The following FAM135B variants were observed in gnomAD, a reference collection of about 807,000 sequenced individuals.
FAM135B encodes family with sequence similarity 135 member B.
In FAM135B, 43 loss-of-function variants were observed where a neutral mutation model predicts 127.7. The ratio of observed to expected loss-of-function variants is 0.34; its 90% CI spans 0.26 to 0.43. FAM135B has a LOEUF of 0.43. Ranked by LOEUF, FAM135B falls within the 20% of genes least tolerant of loss-of-function variation. FAM135B has a pLI of 1.00. For missense variants in FAM135B, 1,558 were observed against 1,725.6 expected, an observed-to-expected ratio of 0.90 and a Z score of 1.72; for synonymous variants, 670 against 665.1, an observed-to-expected ratio of 1.01 and a Z score of -0.11.
chr8:138,463,070 A>C (rs577877587), intron 1 of FAM135B, among the ~76,000 whole-genome samples: 20 of 152,362 alleles, frequency 1.3e-4, no homozygotes, highest in African/African-American at 4.6e-4. Context: ...GTCCACCAGC[A>C]CATCTGTGTT....
intron 1 of FAM135B, among the ~76,000 whole-genome samples, chr8:138,464,102 T>A (rs1450067566): frequency 6.6e-6 from 1 of 152,178 alleles, no homozygotes; most frequent in African/African-American, 2.4e-5. Context: ...GTCAGAGCCA[T>A]GCATCAGGCA....
intron 3 of FAM135B, among the ~76,000 whole-genome samples, chr8:138,299,059 CAAAA>C (rs1297189468): frequency 3.9e-5 from 4 of 103,162 alleles, no homozygotes; most frequent in South Asian, 3.0e-4. Context: ...GATTCAGTCT[CAAAA>C]TAAATAAATA....
At chr8:138,300,408 C>T (rs1001619824) in intron 3 of FAM135B, among the ~76,000 whole-genome samples, 2 of 152,154 alleles carry the variant, frequency 1.3e-5, no homozygotes, top group African/African-American at 4.8e-5. Context: ...GCTTCCCTAG[C>T]TCAGAAATAA....
At chr8:138,192,421 C>T (rs1053963229) in intron 9 of FAM135B, among the ~76,000 whole-genome samples, 5 of 152,200 alleles carry the variant, frequency 3.3e-5, no homozygotes, top group African/African-American at 1.2e-4. Flanking sequence ...TCAAATTAGC[C>T]AAAATCTTCG....
chr8:138,425,964 CATATAT>C lies in FAM135B; in HGVS notation c.-19-57968_-19-57963del, dbSNP rs11271386. Reference sequence around the variant, plus strand: ...AGGAGTTCGAGACCAGCCAGGCCAACATATATATATATATATATATATATATATATA... The same window carrying C: ...AGGAGTTCGAGACCAGCCAGGCCAACATATATATATATATATATATATATA... On this transcript the variant is annotated intron_variant, in intron 1 of 19. Coordinates refer to ENST00000395297, the MANE Select transcript of FAM135B (RefSeq NM_015912.4). Among the ~76,000 whole-genome samples the C allele has an allele frequency of 3.3e-3, 358 of 109,930 alleles. 5 individuals are homozygous for C. The highest frequency in any genetic ancestry group is 0.012 in the East Asian group (22 of 1,860). 72.1% of individuals were successfully genotyped at this position (109,930 alleles called of 152,430 possible).
chr8:138,217,646 T>G (rs1010832168), intron 7 of FAM135B, among the ~76,000 whole-genome samples: 3 of 152,110 alleles, frequency 2.0e-5, no homozygotes, highest in Non-Finnish European at 4.4e-5. Context: ...TTAGCCAGGA[T>G]GGTCTCAATC....
chr8:138,439,344 A>ACATATGT (rs1176334641), intron 1 of FAM135B: 13 of 152,152 alleles, frequency 8.5e-5, no homozygotes, highest in African/African-American at 3.1e-4. Context: ...GCAGCTAATC[A>ACATATGT]CATATGTCAT....
At chr8:138,170,691 C>A (rs535475181) in intron 11 of FAM135B, among the ~76,000 whole-genome samples, 24 of 152,228 alleles carry the variant, frequency 1.6e-4, no homozygotes, top group Admixed American at 1.4e-3. Context: ...ATGGATTATT[C>A]TCAATTCTTC....
At chr8:138,164,097 T>A (rs1307362680) in intron 12 of FAM135B, among the ~76,000 whole-genome samples, 1 of 152,176 alleles carries the variant, frequency 6.6e-6, no homozygotes, top group Non-Finnish European at 1.5e-5. Flanking sequence ...TGGCAAGGCG[T>A]AAGTATTAAG....
At chr8:138,426,054 T>TAG in intron 1 of FAM135B, among the ~76,000 whole-genome samples, 1 of 74,974 alleles carries the variant, frequency 1.3e-5, no homozygotes, top group African/African-American at 8.2e-5. Flanking sequence ...CACACACATA[T>TAG]ATATATACAC....
At chr8:138,470,602 C>A (rs1255637748) in intron 1 of FAM135B, among the ~76,000 whole-genome samples, 4 of 152,106 alleles carry the variant, frequency 2.6e-5, no homozygotes, top group African/African-American at 9.7e-5. Context: ...AGTTTCCTTG[C>A]GGGAATCTTT....
At chr8:138,251,517 G>T (rs575225547) in intron 5 of FAM135B, among the ~76,000 whole-genome samples, 2 of 152,238 alleles carry the variant, frequency 1.3e-5, no homozygotes, top group African/African-American at 4.8e-5. Context: ...CAGGTATTGA[G>T]AATATAAATA....
Position 138,152,487 on chromosome 8 carries a change from G to A in FAM135B, c.1988C>T (p.Thr663Ile), listed in dbSNP as rs1586614933. The A allele has an allele frequency of 6.2e-7, 1 of 1,614,158 alleles. No individual in the cohort carries two copies. The part of the protein sequence containing the change: ...DIRSSLKDSH[T>I]EEQEELSVLS... ...CACTGAGAGTTCCTCCTGCTCTTCT[G>A]TGTGAGAGTCCTTTAGGGAAGACCT... Residue 663 changes from threonine (T) to isoleucine (I), a missense_variant, in exon 13 of 20, where the codon ACA becomes ATA. This residue lies in a region of FAM135B where 923 missense variants were observed against 865.3 expected (regional missense o/e 1.07). Transcript: ENST00000395297.
chr8:138,425,351 T>C (rs560469704), intron 1 of FAM135B: 3 of 152,306 alleles, frequency 2.0e-5, no homozygotes, highest in South Asian at 4.2e-4. Flanking sequence ...TCAAAGAGCA[T>C]AGCTTTCAGG....
intron 1 of FAM135B, among the ~76,000 whole-genome samples, chr8:138,408,616 C>A (rs1341879957): frequency 2.6e-5 from 4 of 152,148 alleles, no homozygotes; most frequent in Non-Finnish European, 5.9e-5. Context: ...GACTCACAGT[C>A]TTGCATGGCT....
At chr8:138,253,419 G>T (rs1049112808) in intron 5 of FAM135B, among the ~76,000 whole-genome samples, 1 of 152,104 alleles carries the variant, frequency 6.6e-6, no homozygotes, top group African/African-American at 2.4e-5. Flanking sequence ...TGTGGTGGGA[G>T]GGGGCACTGC....
At chr8:138,288,025 G>T (rs1247732473) in intron 3 of FAM135B, among the ~76,000 whole-genome samples, 1 of 152,106 alleles carries the variant, frequency 6.6e-6, no homozygotes, top group Admixed American at 6.5e-5. Flanking sequence ...AGGAAGTAAT[G>T]AAATTACCAC....
At chr8:138,311,529 TC>T (rs1826684615) in intron 2 of FAM135B, among the ~76,000 whole-genome samples, 1 of 152,218 alleles carries the variant, frequency 6.6e-6, no homozygotes, top group Non-Finnish European at 1.5e-5. Flanking sequence ...TACAGAAGCA[TC>T]TTTTGAAGTT....
intron 11 of FAM135B, among the ~76,000 whole-genome samples, chr8:138,170,074 T>C (rs1016567032): frequency 1.3e-5 from 2 of 152,186 alleles, no homozygotes. Context: ...CATAGGCAAC[T>C]GCAAGGTTTT....
Sources: gnomAD v4.1 joint callset for allele counts (sites outside exome capture counted in the v4.1 genomes callset) on GRCh38, gnomAD v4.1.1 for gene constraint, gnomAD v4.1.1 regional missense constraint, MANE v1.5 for transcripts, NCBI Gene and HGNC (gene_info 2026-07-23, HGNC 2026-07-21) for gene names.